The following DDAH1 variants were observed in gnomAD, a reference collection of about 807,000 sequenced individuals.
The protein encoded by DDAH1 is N(G),N(G)-dimethylarginine dimethylaminohydrolase 1.
A neutral mutation model predicts 28.8 loss-of-function variants in DDAH1; 19 were observed. The observed-to-expected ratio is 0.66, with a 90% CI of 0.46 to 0.97. The LOEUF is 0.97. Ranked by LOEUF, DDAH1 falls within the 50% of genes least tolerant of loss-of-function variation. The pLI is 0.00. For synonymous variants in DDAH1, 153 were observed against 154.4 expected (o/e 0.99, Z 0.07); for missense variants, 326 against 375.9 (o/e 0.87, Z 1.10).
chr1:85,505,119 G>A (rs1274111928), intron 1 of DDAH1, among the ~76,000 whole-genome samples: 3 of 151,500 alleles, frequency 2.0e-5, no homozygotes, highest in Non-Finnish European at 4.4e-5. Flanking sequence ...CCGAGTAGCT[G>A]AGATTATAGG....
intron 1 of DDAH1, among the ~76,000 whole-genome samples, chr1:85,419,448 G>A (rs1653033699): frequency 6.8e-6 from 1 of 146,648 alleles, no homozygotes; most frequent in Non-Finnish European, 1.5e-5. Context: ...GCTGAGACAG[G>A]AGAATCACTT....
chr1:85,333,704 T>C (rs780553245), intron 4 of DDAH1, among the ~76,000 whole-genome samples: 14 of 151,442 alleles, frequency 9.2e-5, no homozygotes, highest in Non-Finnish European at 1.9e-4. Flanking sequence ...CAATGAGAAC[T>C]TCAACAGGAT....
chr1:85,530,212 T>C (rs1341837447), intron 1 of DDAH1, among the ~76,000 whole-genome samples: 1 of 152,186 alleles, frequency 6.6e-6, no homozygotes, highest in Non-Finnish European at 1.5e-5. Flanking sequence ...CCAAAGTATA[T>C]AGTAAGCGTT....
At chr1:85,572,338 T>C (rs1409671687) in intron 1 of DDAH1, among the ~76,000 whole-genome samples, 5 of 152,140 alleles carry the variant, frequency 3.3e-5, no homozygotes, top group African/African-American at 1.2e-4. Flanking sequence ...AGTCAGTTGT[T>C]AAGGGGAAGT....
intron 1 of DDAH1, among the ~76,000 whole-genome samples, chr1:85,364,501 G>GGTTT (rs1649957733): frequency 6.6e-6 from 1 of 151,818 alleles, no homozygotes; most frequent in Non-Finnish European, 1.5e-5. Context: ...AGATGCCTTA[G>GGTTT]GTTTGTTCAG....
At chr1:85,445,126 G>A (rs1023750209) in intron 1 of DDAH1, among the ~76,000 whole-genome samples, 1 of 152,148 alleles carries the variant, frequency 6.6e-6, no homozygotes, top group Non-Finnish European at 1.5e-5. Flanking sequence ...TGCCCACCCA[G>A]ATTAAGGGTG....
At chr1:85,507,804 A>G (rs1657075102) in intron 1 of DDAH1, among the ~76,000 whole-genome samples, 1 of 152,132 alleles carries the variant, frequency 6.6e-6, no homozygotes, top group Non-Finnish European at 1.5e-5. Flanking sequence ...CCCACATAAA[A>G]ATGACTTTTG....
intron 4 of DDAH1, among the ~76,000 whole-genome samples, chr1:85,325,618 A>C (rs1361654850): frequency 1.3e-5 from 2 of 152,078 alleles, no homozygotes; most frequent in African/African-American, 4.8e-5. Context: ...GAAAAAAAAA[A>C]AAACCTACTT....
chr1:85,419,519 G>A (rs956153046), intron 1 of DDAH1, among the ~76,000 whole-genome samples: 20 of 120,386 alleles, frequency 1.7e-4, no homozygotes, highest in Admixed American at 1.5e-3. Flanking sequence ...CAGCCTGGAC[G>A]ACAAGAGTGA....
chr1:85,393,853 C>T (rs975475430), intron 1 of DDAH1, among the ~76,000 whole-genome samples: 10 of 152,044 alleles, frequency 6.6e-5, no homozygotes, highest in African/African-American at 1.9e-4. Flanking sequence ...TAATTTAAAA[C>T]AGCAGAACAG....
At chr1:85,359,095 A>T (rs1229103300) in intron 1 of DDAH1, among the ~76,000 whole-genome samples, 2 of 152,138 alleles carry the variant, frequency 1.3e-5, no homozygotes, top group East Asian at 3.8e-4. Flanking sequence ...ATACAGTGTC[A>T]TTTTTTTCTG....
intron 1 of DDAH1, among the ~76,000 whole-genome samples, chr1:85,395,252 A>G (rs1651752307): frequency 6.6e-6 from 1 of 151,894 alleles, no homozygotes; most frequent in South Asian, 2.1e-4. Context: ...GTCTGAGAAT[A>G]TATTTTTGGT....
intron 1 of DDAH1, among the ~76,000 whole-genome samples, chr1:85,457,258 T>G (rs1654929258): frequency 6.6e-6 from 1 of 152,210 alleles, no homozygotes; most frequent in Admixed American, 6.5e-5. Context: ...TATCTCATCC[T>G]GTTCTCTGTA....
chr1:85,535,208 G>A (rs1485467474), intron 1 of DDAH1, among the ~76,000 whole-genome samples: 1 of 152,104 alleles, frequency 6.6e-6, no homozygotes, highest in Admixed American at 6.5e-5. Context: ...TATACGTGGG[G>A]CATAAAATAA....
At chr1:85,406,814 T>C (rs559599367) in intron 1 of DDAH1, among the ~76,000 whole-genome samples, 13 of 152,090 alleles carry the variant, frequency 8.5e-5, no homozygotes, top group Non-Finnish European at 1.8e-4. Context: ...AAAATTACAT[T>C]CCTTTATTTC....
intron 1 of DDAH1, among the ~76,000 whole-genome samples, chr1:85,389,178 C>T (rs1232204149): frequency 6.6e-6 from 1 of 151,808 alleles, no homozygotes; most frequent in African/African-American, 2.4e-5. Context: ...CCTGTCTCTA[C>T]TAAAAATGAA....
chr1:85,473,170 T>TG (rs1655675669), intron 2 of DDAH1, among the ~76,000 whole-genome samples: 1 of 152,248 alleles, frequency 6.6e-6, no homozygotes, highest in South Asian at 2.1e-4. Flanking sequence ...TTGTGAGTAG[T>TG]GCTATGATAA....
At chr1:85,382,436 G>C (rs1651041393) in intron 1 of DDAH1, among the ~76,000 whole-genome samples, 1 of 152,130 alleles carries the variant, frequency 6.6e-6, no homozygotes, top group South Asian at 2.1e-4. Flanking sequence ...GCAGAGGCTG[G>C]CTTATGAGGA....
At position 85,479,146 on chromosome 1, in the gene DDAH1, C is replaced by G. The variant is rs992376706; in HGVS notation, c.-7+17020G>C. Among the ~76,000 whole-genome samples the G allele has an allele frequency of 4.7e-5, 7 of 149,948 alleles. 1 individual carries two copies. Among genetic ancestry groups the G allele is most frequent in the Middle Eastern group, 6.8e-3 (2 of 292 alleles). On this transcript the variant is annotated intron_variant, in intron 2 of 6. Coordinates refer to the DDAH1 transcript ENST00000426972. ...TTAATAATCTGAGATTATTTTTCCT[C>G]CCTTCTGTTTTTCTTTTTTTTTTTT...
Sources: allele counts gnomAD v4.1 joint callset (sites outside exome capture counted in the v4.1 genomes callset), GRCh38; gene constraint gnomAD v4.1.1; transcripts MANE v1.5; gene names NCBI Gene and HGNC (gene_info 2026-07-23, HGNC 2026-07-21).